The following AK9 variants were observed in gnomAD, a reference collection of about 807,000 sequenced individuals.
The protein encoded by AK9 is adenylate kinase domain containing 1.
AK9 carries 191 observed loss-of-function variants against 239.6 expected under a neutral mutation model. The ratio of observed to expected loss-of-function variants is 0.80; its 90% CI spans 0.71 to 0.90. The LOEUF is 0.90. Among genes scored for constraint, AK9 ranks in the 40% least tolerant of loss-of-function variants. The pLI, the probability that AK9 is intolerant of heterozygous loss-of-function variation, is 0.00. For missense variants in AK9, 1,995 were observed against 2,214.7 expected (o/e 0.90, Z 1.99); for synonymous variants, 689 against 721.0 (o/e 0.96, Z 0.71).
rs1282777287 is a variant in AK9 at position 109,509,207 on chromosome 6, G to C, written c.4453C>G (p.Leu1485Val). The C allele has an allele frequency of 6.4e-7, 1 of 1,552,148 alleles. No homozygotes were observed. The highest frequency in any genetic ancestry group is 2.0e-5 in the Admixed American group (1 of 51,002). Residue 1485 changes from leucine to valine, a missense_variant, in exon 33 of 41, where the codon CTG becomes GTG. Leu to Val is a conservative substitution (Grantham distance 32, BLOSUM62 1). This residue lies in a region of AK9 where 45 missense variants were observed against 80.5 expected (regional missense o/e 0.56). Transcript: ENST00000424296. Reference sequence around the variant, plus strand: ...GCAGTATTGCACACACTTTCCATCAGAGAAAGTTCTAAGGCTTGAATAGCC... The same window carrying C: ...GCAGTATTGCACACACTTTCCATCACAGAAAGTTCTAAGGCTTGAATAGCC... ...ELAIQALELS[L>V]MESVCNTAGV...
intron 13 of AK9, among the ~76,000 whole-genome samples, chr6:109,617,816 C>T (rs948714846): frequency 6.6e-6 from 1 of 150,824 alleles, no homozygotes; most frequent in Non-Finnish European, 1.5e-5. Flanking sequence ...TTCCTTCTAT[C>T]TGCTTTTTCT....
intron 7 of AK9, 84 bp downstream of exon 7, chr6:109,659,144 T>A: frequency 7.2e-7 from 1 of 1,383,144 alleles, no homozygotes; most frequent in African/African-American, 1.5e-5. Flanking sequence ...CATCTACTAT[T>A]TCCTATTACC....
chr6:109,676,712 G>A (rs779664214), intron 1 of AK9, among the ~76,000 whole-genome samples: 4 of 151,900 alleles, frequency 2.6e-5, no homozygotes, highest in Non-Finnish European at 5.9e-5. Context: ...TAAAATATTA[G>A]CAAAATAATA....
chr6:109,507,909 A>G (rs867291862), intron 33 of AK9, among the ~76,000 whole-genome samples: 3 of 152,204 alleles, frequency 2.0e-5, no homozygotes, highest in Non-Finnish European at 4.4e-5. Flanking sequence ...AAGTGTTTAA[A>G]CTGTGTTCAA....
chr6:109,658,628 T>C (rs566702288), intron 7 of AK9, among the ~76,000 whole-genome samples: 1 of 152,122 alleles, frequency 6.6e-6, no homozygotes, highest in African/African-American at 2.4e-5. Context: ...TCTCAGAATG[T>C]TTATGTTGAT....
rs543120646 is a variant in AK9 at position 109,591,680 on chromosome 6, C to T, written c.1843-5608G>A. 2.6e-5 allele frequency among the ~76,000 whole-genome samples: 4 copies of T among 152,150 alleles called. No homozygotes were observed. The South Asian group carries it at 8.3e-4, about 32-fold the overall frequency. On this transcript the variant is annotated intron_variant, in intron 17 of 40. Transcript: ENST00000424296. ...TGTGTTTTTATGATGCTGAATATCA[C>T]CCTTTTGCTTTTATGTTTAGAAGTC...
chr6:109,644,492 T>A, intron 9 of AK9, 122 bp downstream of exon 9: 1 of 802,986 alleles, frequency 1.2e-6, no homozygotes. Context: ...TTAAGACAGA[T>A]TGTTCAAAGA....
intron 1 of AK9, among the ~76,000 whole-genome samples, chr6:109,683,715 G>A (rs921035901): frequency 6.6e-6 from 1 of 152,120 alleles, no homozygotes; most frequent in East Asian, 1.9e-4. Flanking sequence ...CTTCTTCAAG[G>A]AGAATTACAA....
In AK9 at chr6:109,564,096, T is replaced by C. The variant is rs1786157872; in HGVS notation, c.2619A>G (p.Val873=). The change falls in exon 23 of 41, where the codon GTA becomes GTG. Residue 873 remains valine, a synonymous_variant. Transcript: ENST00000424296. ...DRTPQELLQK[V]VETMEKPFQY... is the part of the protein sequence containing the mutation. ...AGCCCTTACTTTCCATAGTCTCAAC[T>C]ACTTTTTGAAGTAATTCCTGTGGAG... 6.4e-7 allele frequency: 1 copy of C among 1,551,058 alleles called. No individual in the cohort carries two copies. Among genetic ancestry groups the C allele is most frequent in the Non-Finnish European group, 8.7e-7 (1 of 1,146,748 alleles).
Position 109,504,337 on chromosome 6 carries a change from C to G in AK9, c.4849+1990G>C, listed in dbSNP as rs546934928. Among the ~76,000 whole-genome samples, 10 of 151,838 alleles carry G rather than the reference C, an allele frequency of 6.6e-5. No homozygotes were observed. The East Asian group carries it at 1.5e-3, about 24-fold the overall frequency. On this transcript the variant is annotated intron_variant, in intron 35 of 40. Transcript: ENST00000424296. ...TATGATTGTACCACTGCACCCCAGC[C>G]CGGGAAACAGAGCAAGCCCCTGTCT...
chr6:109,571,317 G>A (rs570974917), intron 21 of AK9, among the ~76,000 whole-genome samples: 1 of 152,136 alleles, frequency 6.6e-6, no homozygotes, highest in Non-Finnish European at 1.5e-5. Flanking sequence ...CAACAATGTG[G>A]AGAAGTTATG....
intron 6 of AK9, chr6:109,661,053 T>C (rs1055062051): frequency 1.3e-5 from 5 of 389,972 alleles, no homozygotes; most frequent in Non-Finnish European, 2.5e-5. Context: ...TAGGGATTTA[T>C]GGATCTTGGG....
In AK9 at chr6:109,619,086, T is replaced by C. The variant is rs79239765; in HGVS notation, c.1399+6A>G. On this transcript the variant is annotated splice_donor_region_variant and intron_variant, in intron 13 of 40. Coordinates refer to ENST00000424296, the MANE Select transcript of AK9 (RefSeq NM_001145128.3). ...TTAAAACACACATTTTAAAAAGATGTTTCACCTTGTTTTCTAGCTTGCAGT... is the reference window on the plus strand; with the variant it reads ...TTAAAACACACATTTTAAAAAGATGCTTCACCTTGTTTTCTAGCTTGCAGT... 2.7e-3 allele frequency: 4,174 copies of C among 1,531,026 alleles called. 109 individuals are homozygous for C. In the African/African-American group the frequency reaches 0.052, roughly 19 times the overall value. The allele number at this position is 1,531,026 out of a possible 1,614,324, so 94.8% of individuals were successfully genotyped here.
chr6:109,627,857 C>T (rs552123296), intron 12 of AK9, among the ~76,000 whole-genome samples: 1 of 152,274 alleles, frequency 6.6e-6, no homozygotes, highest in African/African-American at 2.4e-5. Context: ...ACCATGTTGG[C>T]CAAACTGGTC....
chr6:109,626,812 T>C (rs748077525), intron 12 of AK9, among the ~76,000 whole-genome samples: 3 of 152,188 alleles, frequency 2.0e-5, no homozygotes, highest in Non-Finnish European at 4.4e-5. Flanking sequence ...TGAATGAAAC[T>C]TGCAAGTCTA....
At chr6:109,514,183 T>G (rs145717885) in intron 32 of AK9, 41 bp downstream of exon 32, 107 of 1,510,800 alleles carry the variant, frequency 7.1e-5, no homozygotes, top group Non-Finnish European at 9.3e-5. Context: ...ACAAGCAGAT[T>G]CTTTTATGCT....
chr6:109,682,648 G>GAAGAAATGGAT (rs1772845980), intron 1 of AK9, among the ~76,000 whole-genome samples: 1 of 152,024 alleles, frequency 6.6e-6, no homozygotes, highest in African/African-American at 2.4e-5. Flanking sequence ...AGAAAATTTA[G>GAAGAAATGGAT]AAGAAATGGA....
chr6:109,605,882 A>G (rs1222025491), intron 17 of AK9, among the ~76,000 whole-genome samples: 1 of 152,072 alleles, frequency 6.6e-6, no homozygotes, highest in African/African-American at 2.4e-5. Context: ...CTTCCCCAGG[A>G]TTTCATATTC....
At chr6:109,671,158 T>C (rs1163106152) in intron 5 of AK9, among the ~76,000 whole-genome samples, 2 of 152,174 alleles carry the variant, frequency 1.3e-5, no homozygotes, top group African/African-American at 4.8e-5. Context: ...TTGGCAGTTA[T>C]GGTTTTTACT....
Sources: allele counts gnomAD v4.1 joint callset (sites outside exome capture counted in the v4.1 genomes callset), GRCh38; gene constraint gnomAD v4.1.1; regional missense constraint gnomAD v4.1.1; transcripts MANE v1.5; gene names NCBI Gene and HGNC (gene_info 2026-07-23, HGNC 2026-07-21).